The following CERS3 variants were observed in gnomAD, a reference collection of about 807,000 sequenced individuals.
The protein encoded by CERS3 is ceramide synthase 3, also known as LAG1 homolog, ceramide synthase 3.
In CERS3, 33 loss-of-function variants were observed where a neutral mutation model predicts 50.3. The ratio of observed to expected loss-of-function variants is 0.66; its 90% CI spans 0.50 to 0.88. The LOEUF is 0.88. CERS3 is among the 40% of genes least tolerant of loss of function. The probability of loss-of-function intolerance (pLI) is 0.00; values close to 1 mark genes in which losing one functional copy is unlikely to be tolerated. For synonymous variants in CERS3, 176 were observed against 155.2 expected, an observed-to-expected ratio of 1.13 and a Z score of -0.99; for missense variants, 470 against 460.3, an observed-to-expected ratio of 1.02 and a Z score of -0.19.
intron 11 of CERS3, among the ~76,000 whole-genome samples, chr15:100,411,593 A>G (rs531729685): frequency 1.7e-4 from 26 of 152,316 alleles, no homozygotes; most frequent in Non-Finnish European, 3.2e-4. Context: ...GCTGCTACGA[A>G]TATCAACACA....
chr15:100,503,551 T>C (rs1464114127), intron 2 of CERS3, among the ~76,000 whole-genome samples: 1 of 152,188 alleles, frequency 6.6e-6, no homozygotes, highest in Admixed American at 6.5e-5. Flanking sequence ...AAGGTCAATT[T>C]GGTAGCCAGC....
At chr15:100,475,910 C>G in intron 8 of CERS3, 176 bp downstream of exon 8, 1 of 343,920 alleles carries the variant, frequency 2.9e-6, no homozygotes, top group Non-Finnish European at 5.4e-6. Flanking sequence ...CAAATGTTTA[C>G]CAAGGCACCA....
intron 11 of CERS3, among the ~76,000 whole-genome samples, chr15:100,419,527 A>G: frequency 7.2e-6 from 1 of 138,532 alleles, no homozygotes; most frequent in Non-Finnish European, 1.6e-5. Flanking sequence ...GATCAACGAG[A>G]CAGAAAGTCA....
Position 100,535,684 on chromosome 15 carries a change from G to A in CERS3, c.-354-6609C>T, listed in dbSNP as rs8039493. 2.9e-3 allele frequency among the ~76,000 whole-genome samples: 432 copies of A among 150,112 alleles called. 7 individuals carry two copies. Among genetic ancestry groups the A allele is most frequent in the African/African-American group, 0.01 (414 of 40,816 alleles). Reference sequence around the variant, plus strand: ...TATCCCTATGCTCATATGTAAGCACGAATTAGAAGTATCCATATGTGCATG... The same window carrying A: ...TATCCCTATGCTCATATGTAAGCACAAATTAGAAGTATCCATATGTGCATG... On this transcript the variant is annotated intron_variant, in intron 1 of 12. Transcript: ENST00000284382.
intron 8 of CERS3, chr15:100,475,720 A>T (rs1039957172): frequency 2.6e-5 from 4 of 152,706 alleles, no homozygotes; most frequent in African/African-American, 9.6e-5. Flanking sequence ...AAAAAGTTGT[A>T]TATGAAGTGG....
chr15:100,505,311 T>G (rs2036145256), intron 2 of CERS3, among the ~76,000 whole-genome samples: 1 of 152,218 alleles, frequency 6.6e-6, no homozygotes, highest in Admixed American at 6.5e-5. Context: ...ATCAAATAGT[T>G]TATCATGGTT....
At chr15:100,430,773 T>G (rs2654604) in intron 11 of CERS3, among the ~76,000 whole-genome samples, 41,200 of 152,154 alleles carry the variant, frequency 0.27, 5,788 homozygotes, top group East Asian at 0.41. Context: ...TTCCTTTTTG[T>G]TATATAGGTT....
At chr15:100,460,248 A>T (rs1032120799) in intron 10 of CERS3, among the ~76,000 whole-genome samples, 2 of 152,146 alleles carry the variant, frequency 1.3e-5, no homozygotes, top group Non-Finnish European at 2.9e-5. Flanking sequence ...CATGTCACTT[A>T]TTTGTGCATT....
intron 1 of CERS3, among the ~76,000 whole-genome samples, chr15:100,537,730 G>A (rs1596833210): frequency 1.3e-5 from 2 of 152,084 alleles, no homozygotes; most frequent in East Asian, 3.9e-4. Context: ...GATTTGGGTG[G>A]GACAACCAAA....
chr15:100,459,755 G>C (rs889806037), intron 10 of CERS3, among the ~76,000 whole-genome samples: 6 of 152,140 alleles, frequency 3.9e-5, no homozygotes. Flanking sequence ...AAGAGTATCT[G>C]CTTCCTCAGA....
intron 11 of CERS3, among the ~76,000 whole-genome samples, chr15:100,444,273 T>G (rs1338643632): frequency 6.6e-6 from 1 of 152,196 alleles, no homozygotes; most frequent in Non-Finnish European, 1.5e-5. Context: ...CATATATACT[T>G]TCTGCTCCCC....
chr15:100,497,361 A>G (rs921777186), intron 3 of CERS3, among the ~76,000 whole-genome samples: 1 of 150,242 alleles, frequency 6.7e-6, no homozygotes. Flanking sequence ...TATAGAGAGA[A>G]AAATACATAT....
At chr15:100,409,875 G>C (rs1348210036) in intron 11 of CERS3, among the ~76,000 whole-genome samples, 6 of 152,194 alleles carry the variant, frequency 3.9e-5, no homozygotes, top group Non-Finnish European at 5.9e-5. Flanking sequence ...GAAGAGTGGA[G>C]GGGTGGACCT....
chr15:100,420,081 C>T (rs2032296976), intron 11 of CERS3, among the ~76,000 whole-genome samples: 5 of 143,764 alleles, frequency 3.5e-5, no homozygotes, highest in African/African-American at 1.0e-4. Context: ...TAACTAAAAT[C>T]AGAGCAGAAC....
chr15:100,496,405 C>T (rs2035816181), intron 3 of CERS3, among the ~76,000 whole-genome samples: 1 of 152,046 alleles, frequency 6.6e-6, no homozygotes, highest in Admixed American at 6.6e-5. Context: ...AAGCATTAAG[C>T]TTAATGAAAG....
rs188871778 is a variant in CERS3 at position 100,540,276 on chromosome 15, C to T, written c.-355+4375G>A. 1.4e-3 allele frequency among the ~76,000 whole-genome samples: 208 copies of T among 152,336 alleles called. 1 individual carries two copies. The East Asian group carries it at 0.018, about 13-fold the overall frequency. Reference sequence around the variant, plus strand: ...AACCTTTCTTGTCCAGGCGCAGTGGCTCATACCTGTAATCCCAGCACTTTG... The same window carrying T: ...AACCTTTCTTGTCCAGGCGCAGTGGTTCATACCTGTAATCCCAGCACTTTG... On this transcript the variant is annotated intron_variant, in intron 1 of 12. Transcript: ENST00000284382.
chr15:100,501,743 G>T lies in CERS3; in HGVS notation c.107C>A (p.Pro36His), dbSNP rs1156926116. 1.2e-6 allele frequency: 2 copies of T among 1,613,994 alleles called. No homozygotes were observed. The highest frequency in any genetic ancestry group is 1.7e-6 in the Non-Finnish European group (2 of 1,179,884). Reference sequence around the variant, plus strand: ...TGGAATTGTCACGTATAAATGAGAAGGTTTTACAAAGACGAGTCCATCGTG... The same window carrying T: ...TGGAATTGTCACGTATAAATGAGAATGTTTTACAAAGACGAGTCCATCGTG... ...EDHDGLVFVK[P>H]SHLYVTIPYA... is the part of the protein sequence containing the mutation. Residue 36 changes from proline to histidine, a missense_variant, in exon 3 of 12, where the codon CCT becomes CAT. Transcript: ENST00000679737.
At chr15:100,474,209 A>G (rs946383895) in intron 8 of CERS3, among the ~76,000 whole-genome samples, 1 of 152,192 alleles carries the variant, frequency 6.6e-6, no homozygotes, top group Non-Finnish European at 1.5e-5. Context: ...ATTGACTGTG[A>G]TGATGATTGC....
intron 11 of CERS3, among the ~76,000 whole-genome samples, chr15:100,438,935 A>G (rs1206756004): frequency 6.6e-6 from 1 of 152,370 alleles, no homozygotes; most frequent in East Asian, 1.9e-4. Flanking sequence ...AAACAAAAGC[A>G]TACTATTTTC....
Sources: allele counts gnomAD v4.1 joint callset (sites outside exome capture counted in the v4.1 genomes callset), GRCh38; gene constraint gnomAD v4.1.1; transcripts MANE v1.5; gene names NCBI Gene and HGNC (gene_info 2026-07-23, HGNC 2026-07-21).